The following CACNA1C variants were observed in gnomAD, a reference collection of about 807,000 sequenced individuals.
CACNA1C encodes voltage-dependent L-type calcium channel subunit alpha-1C.
In CACNA1C, 30 loss-of-function variants were observed where a neutral mutation model predicts 229.0. The ratio of observed to expected loss-of-function variants is 0.13; its 90% confidence interval spans 0.10 to 0.18. CACNA1C has a LOEUF of 0.18. Ranked by LOEUF, CACNA1C falls within the 10% of genes least tolerant of loss-of-function variation. The pLI is 1.00. For missense variants in CACNA1C, 1,658 were observed against 2,845.0 expected (o/e 0.58, Z 9.49); for synonymous variants, 1,114 against 1,132.5 (o/e 0.98, Z 0.33).
In CACNA1C at chr12:2,608,569, C is replaced by G; in HGVS notation, c.3415C>G (p.Arg1139Gly). 3 of 1,613,632 alleles carry G rather than the reference C, an allele frequency of 1.9e-6. No homozygotes were observed. Among genetic ancestry groups the G allele is most frequent in the Non-Finnish European group, 2.5e-6 (3 of 1,179,672 alleles). ...TEDKGPIYNYRVEISIFFIIY... is the reference protein window; with the variant it reads ...TEDKGPIYNYGVEISIFFIIY... Reference sequence around the variant, plus strand: ...AGACAAGGGCCCCATCTACAACTACCGTGTGGAGATCTCCATCTTCTTCAT... The same window carrying G: ...AGACAAGGGCCCCATCTACAACTACGGTGTGGAGATCTCCATCTTCTTCAT... Residue 1139 changes from arginine to glycine, a missense_variant, in exon 27 of 47, where the codon CGT (arginine) becomes GGT (glycine). Arg to Gly is a moderately radical substitution (Grantham distance 125). Transcript: ENST00000399655. The surrounding 1 kb of genome is among the most constrained non-coding windows in gnomAD (Gnocchi z 4.2).
At chr12:2,680,121 G>A (rs1476904542) in intron 42 of CACNA1C, among the ~76,000 whole-genome samples, 2 of 152,138 alleles carry the variant, frequency 1.3e-5, no homozygotes, top group African/African-American at 2.4e-5. Flanking sequence ...AAACCATCCC[G>A]TCTGCCCTTC....
chr12:2,041,471 T>C (rs1019656261), intron 1 of CACNA1C, among the ~76,000 whole-genome samples: 2 of 151,672 alleles, frequency 1.3e-5, no homozygotes, highest in African/African-American at 4.8e-5. Flanking sequence ...AGAGACGGGG[T>C]TTCACCATGT....
At chr12:2,154,527 A>G (rs1421012584) in intron 3 of CACNA1C, among the ~76,000 whole-genome samples, 1 of 152,154 alleles carries the variant, frequency 6.6e-6, no homozygotes, top group Admixed American at 6.5e-5. Context: ...TGGGTCAGGG[A>G]AGAGGCTGGG....
In CACNA1C at chr12:2,630,354, G is replaced by A. The variant is rs1184044581; in HGVS notation, c.3829-3943G>A. On this transcript the variant is annotated intron_variant, in intron 29 of 46. Coordinates refer to ENST00000399655, the MANE Select transcript of CACNA1C (RefSeq NM_000719.7). The surrounding 1 kb of genome is among the most constrained non-coding windows in gnomAD (Gnocchi z 5.4). ...GGCGGGCAAAAACAGAGAGAAGAGAGATGAGACAGCATCAAGCCCTTCCAC... is the reference window on the plus strand; with the variant it reads ...GGCGGGCAAAAACAGAGAGAAGAGAAATGAGACAGCATCAAGCCCTTCCAC... 1.3e-5 allele frequency among the ~76,000 whole-genome samples: 2 copies of A among 152,160 alleles called. No homozygotes were observed. The highest frequency in any genetic ancestry group is 4.8e-5 in the African/African-American group (2 of 41,452).
intron 3 of CACNA1C, among the ~76,000 whole-genome samples, chr12:2,256,178 G>A (rs1007227812): frequency 6.6e-6 from 1 of 151,788 alleles, no homozygotes; most frequent in African/African-American, 2.4e-5. Flanking sequence ...TTACACTGGA[G>A]CTACTAGATC....
Position 2,405,167 on chromosome 12 carries a change from A to T in CACNA1C, c.478-43809A>T, listed in dbSNP as rs980447624. Among the ~76,000 whole-genome samples, 4 of 152,242 alleles carry T rather than the reference A, an allele frequency of 2.6e-5. No individual in the cohort carries two copies. The East Asian group carries it at 7.7e-4, about 29-fold the overall frequency. ...AATTTTTTAAAAATTTTAAATAATT[A>T]TAGGTTCATAGGAAGTTTCAAAGGT... On this transcript the variant is annotated intron_variant, in intron 3 of 46. Coordinates refer to ENST00000399655, the MANE Select transcript of CACNA1C (RefSeq NM_000719.7).
chr12:2,089,591 G>A (rs748003621), intron 1 of CACNA1C, among the ~76,000 whole-genome samples: 2 of 152,196 alleles, frequency 1.3e-5, no homozygotes, highest in Admixed American at 6.5e-5. Flanking sequence ...GGCATGTTAT[G>A]TACCCAGAGA....
In CACNA1C at chr12:2,443,962, C is replaced by T. The variant is rs117570638; in HGVS notation, c.478-5014C>T. Among the ~76,000 whole-genome samples, 86 of 152,296 alleles carry T rather than the reference C, an allele frequency of 5.6e-4. 1 individual carries two copies. In the East Asian group the frequency reaches 0.014, roughly 26 times the overall value. The stretch of plus-strand genomic sequence containing the variant: ...CTTCTTGCAACATTTAGTCAGCACA[C>T]GCACACACACAGTGCACACAAATGC... On this transcript the variant is annotated intron_variant, in intron 3 of 46. Transcript: ENST00000399655.
chr12:2,148,671 C>G (rs2094947887), intron 3 of CACNA1C, among the ~76,000 whole-genome samples: 1 of 151,260 alleles, frequency 6.6e-6, no homozygotes, highest in South Asian at 2.1e-4. Flanking sequence ...CCTCAGCCTC[C>G]TGAGTATCTG....
At chr12:2,522,712 G>A (rs1012840643) in intron 9 of CACNA1C, among the ~76,000 whole-genome samples, 24 of 152,084 alleles carry the variant, frequency 1.6e-4, no homozygotes, top group African/African-American at 5.8e-4. Context: ...AGCCCTCTGG[G>A]GCTCTCCTGG....
chr12:1,990,778 C>T lies in CACNA1C; in HGVS notation c.139+19577C>T, dbSNP rs139463020. 1.6e-4 allele frequency among the ~76,000 whole-genome samples: 25 copies of T among 152,198 alleles called. No individual in the cohort carries two copies. In the East Asian group the frequency reaches 4.6e-3, roughly 28 times the overall value. The stretch of plus-strand genomic sequence containing the variant: ...AAAGAAAGGCCAACCAATCTATATG[C>T]CACCAAAGAACATGTAAACCATACA... On this transcript the variant is annotated intron_variant, in intron 1 of 46. Coordinates refer to the CACNA1C transcript ENST00000682462.
At chr12:2,643,261 T>C (rs1357562977) in intron 30 of CACNA1C, among the ~76,000 whole-genome samples, 1 of 152,196 alleles carries the variant, frequency 6.6e-6, no homozygotes, top group African/African-American at 2.4e-5. Flanking sequence ...CTGGGGGTGG[T>C]GGCCCGGGAC....
At chr12:2,361,972 CT>C (rs1369004479) in intron 3 of CACNA1C, among the ~76,000 whole-genome samples, 1 of 152,200 alleles carries the variant, frequency 6.6e-6, no homozygotes, top group Non-Finnish European at 1.5e-5. Context: ...AACTGATTGT[CT>C]TGAGTCTGGA....
intron 3 of CACNA1C, among the ~76,000 whole-genome samples, chr12:2,185,205 G>A (rs2096960661): frequency 6.6e-6 from 1 of 152,168 alleles, no homozygotes; most frequent in African/African-American, 2.4e-5. Context: ...TTCTCTATTT[G>A]AATGTGTGGC....
Position 1,971,164 on chromosome 12 carries a change from T to C in CACNA1C, c.102T>C (p.His34=), listed in dbSNP as rs1215801761. The change falls in exon 1 of 47, where the codon CAT becomes CAC. Residue 34 remains histidine, a synonymous_variant. Coordinates refer to the CACNA1C transcript ENST00000682462. This position sits in a 1 kb window ranked among gnomAD's most constrained non-coding sequence, Gnocchi z 4.2. ...TCAAGTTTAAGGGTACTTTGGTGCATGAAGCTCAACTCAACTATTTCTACA... is the reference window on the plus strand; with the variant it reads ...TCAAGTTTAAGGGTACTTTGGTGCACGAAGCTCAACTCAACTATTTCTACA... The C allele has an allele frequency of 7.8e-7, 1 of 1,289,328 alleles. No individual in the cohort carries two copies. The highest frequency in any genetic ancestry group is 2.3e-5 in the Admixed American group (1 of 43,558). The allele number at this position is 1,289,328 out of a possible 1,614,324, so 79.9% of individuals were successfully genotyped here.
chr12:2,348,159 C>T lies in CACNA1C; in HGVS notation c.478-100817C>T, dbSNP rs115233431. On this transcript the variant is annotated intron_variant, in intron 3 of 46. Coordinates refer to ENST00000399655, the MANE Select transcript of CACNA1C (RefSeq NM_000719.7). This position sits in a 1 kb window ranked among gnomAD's most constrained non-coding sequence, Gnocchi z 4.7. ...TGCAGGAGTGGGAGCGTGGGGCTAGCTGCCAGTGGGATGGCCCCAGCCGGA... is the reference window on the plus strand; with the variant it reads ...TGCAGGAGTGGGAGCGTGGGGCTAGTTGCCAGTGGGATGGCCCCAGCCGGA... 6.6e-3 allele frequency among the ~76,000 whole-genome samples: 1,005 copies of T among 152,348 alleles called. 9 individuals are homozygous for T. The highest frequency in any genetic ancestry group is 0.023 in the African/African-American group (948 of 41,592).
At chr12:1,972,376 T>C (rs1312877471) in intron 1 of CACNA1C, among the ~76,000 whole-genome samples, 1 of 152,252 alleles carries the variant, frequency 6.6e-6, no homozygotes, top group Non-Finnish European at 1.5e-5. Context: ...AGCATTTATC[T>C]AGATCAAGCT....
chr12:2,146,439 G>A (rs190988027), intron 3 of CACNA1C, among the ~76,000 whole-genome samples: 9 of 151,300 alleles, frequency 5.9e-5, no homozygotes, highest in African/African-American at 2.2e-4. Context: ...TATGTGGCAA[G>A]GGACTCACAA....
At chr12:2,648,941 G>T (rs2094624433) in intron 31 of CACNA1C, among the ~76,000 whole-genome samples, 1 of 152,176 alleles carries the variant, frequency 6.6e-6, no homozygotes, top group Non-Finnish European at 1.5e-5. Context: ...GAGATGGAAG[G>T]GTGGACGATG....
Sources: gnomAD v4.1 joint callset for allele counts (sites outside exome capture counted in the v4.1 genomes callset) on GRCh38, gnomAD v4.1.1 for gene constraint, Gnocchi (gnomAD v3.1) non-coding constraint, MANE v1.5 for transcripts, NCBI Gene and HGNC (gene_info 2026-07-23, HGNC 2026-07-21) for gene names.